The following SPINK5 variants were observed in gnomAD, a reference collection of about 807,000 sequenced individuals.
SPINK5 encodes serine protease inhibitor Kazal-type 5.
In SPINK5, 125 loss-of-function variants were observed where a neutral mutation model predicts 151.8. The observed-to-expected ratio is 0.82, with a 90% CI of 0.71 to 0.96. The LOEUF is 0.96. SPINK5 is among the 40% of genes least tolerant of loss of function. The pLI, the probability that SPINK5 is intolerant of heterozygous loss-of-function variation, is 0.00. For synonymous variants in SPINK5, 374 were observed against 395.3 expected (o/e 0.95, Z 0.64); for missense variants, 1,194 against 1,291.9 (o/e 0.92, Z 1.16).
chr5:148,107,562 G>A (rs1446214704), intron 17 of SPINK5, among the ~76,000 whole-genome samples: 1 of 152,118 alleles, frequency 6.6e-6, no homozygotes, highest in African/African-American at 2.4e-5. Context: ...GAGGTCTGTG[G>A]GGTCAGTACA....
intron 12 of SPINK5, 52 bp downstream of exon 12, chr5:148,099,367 T>C: frequency 1.3e-6 from 2 of 1,528,366 alleles, no homozygotes; most frequent in Non-Finnish European, 1.8e-6. Context: ...TTTGAACAAA[T>C]TTTAAGAGCC....
rs570551942 is a variant in SPINK5 at position 148,111,673 on chromosome 5, T to C, written c.1693-95T>C. ...CTTCAGCATCACCTTTTCCATGCAA[T>C]CATTATGTTTTAGTTTTTAAAGCAG... is the stretch of plus-strand genomic sequence containing the variant. On this transcript the variant is annotated intron_variant, in intron 18 of 32. Coordinates refer to ENST00000256084, the MANE Select transcript of SPINK5 (RefSeq NM_006846.4). 1.9e-6 allele frequency: 3 copies of C among 1,580,340 alleles called. No individual in the cohort carries two copies. In the South Asian group the frequency reaches 3.4e-5, roughly 18 times the overall value.
intron 2 of SPINK5, among the ~76,000 whole-genome samples, chr5:148,066,123 G>C (rs1023999154): frequency 1.3e-5 from 2 of 152,276 alleles, no homozygotes; most frequent in South Asian, 4.1e-4. Flanking sequence ...AATGAACCAC[G>C]AAGGTATTTG....
At chr5:148,105,330 ATC>A (rs201821038) in intron 16 of SPINK5, among the ~76,000 whole-genome samples, 3,458 of 152,276 alleles carry the variant, frequency 0.023, 66 homozygotes, top group Non-Finnish European at 0.035. Flanking sequence ...CATTATTCAT[ATC>A]TCTGTTATTT....
chr5:148,070,174 T>G lies in SPINK5; in HGVS notation c.82-149T>G. ...TATCTACTATGTATCAGGCATTCTT[T>G]GAGGGCTTTACATACTTAATCTTCA... is the stretch of plus-strand genomic sequence containing the variant. On this transcript the variant is annotated intron_variant, in intron 2 of 32. Coordinates refer to ENST00000256084, the MANE Select transcript of SPINK5 (RefSeq NM_006846.4). 3.8e-6 allele frequency: 3 copies of G among 797,162 alleles called. 1 individual carries two copies. In the South Asian group the frequency reaches 5.3e-5, roughly 14 times the overall value. 49.4% of individuals were successfully genotyped at this position (797,162 alleles called of 1,614,324 possible).
At chr5:148,112,547 C>T (rs1753965708) in intron 19 of SPINK5, among the ~76,000 whole-genome samples, 2 of 151,980 alleles carry the variant, frequency 1.3e-5, no homozygotes, top group South Asian at 2.1e-4. Context: ...GTGGTGCACG[C>T]ATGTAGTCCC....
chr5:148,099,422 A>T (rs540580820), intron 12 of SPINK5, 107 bp downstream of exon 12: 2 of 858,654 alleles, frequency 2.3e-6, no homozygotes, highest in Admixed American at 4.2e-5. Flanking sequence ...GAATATCTTA[A>T]CTCTTCAATC....
intron 16 of SPINK5, 115 bp from the exon 17 acceptor site, chr5:148,106,922 A>G (rs564016397): frequency 1.5e-6 from 2 of 1,344,222 alleles, no homozygotes; most frequent in Admixed American, 1.8e-5. Flanking sequence ...ATTTACTACT[A>G]TGTGTTATCA....
Position 148,131,420 on chromosome 5 carries a change from C to A in SPINK5, c.3095+31C>A. 3 of 1,613,202 alleles carry A rather than the reference C, an allele frequency of 1.9e-6. No individual in the cohort carries two copies. The Admixed American group carries it at 5.0e-5, about 27-fold the overall frequency. On this transcript the variant is annotated intron_variant, in intron 31 of 32. Transcript: ENST00000256084. ...TATTCAAGTTGCCCCATCATATCTT[C>A]CAGTTTAGAATTTCTCAGCTAGAGT...
At chr5:148,065,918 G>A (rs930517828) in intron 2 of SPINK5, among the ~76,000 whole-genome samples, 4 of 152,026 alleles carry the variant, frequency 2.6e-5, no homozygotes, top group African/African-American at 9.7e-5. Flanking sequence ...TTTTAGTGTA[G>A]GAAAACAGAC....
At position 148,084,968 on chromosome 5, in the gene SPINK5, A is replaced by AT. The variant is rs1296210942; in HGVS notation, c.283-1430dup. The stretch of plus-strand genomic sequence containing the variant: ...GTAAGCTCCTTAGAATATGTATTCC[A>AT]TTTTTTTCTCTCTCTCTCTTTTTTA... On this transcript the variant is annotated intron_variant, in intron 4 of 32. Coordinates refer to ENST00000256084, the MANE Select transcript of SPINK5 (RefSeq NM_006846.4). Among the ~76,000 whole-genome samples the AT allele has an allele frequency of 1.3e-4, 19 of 151,086 alleles. No homozygotes were observed. In the East Asian group the frequency reaches 2.6e-3, roughly 20 times the overall value.
intron 32 of SPINK5, 169 bp downstream of exon 32, chr5:148,134,056 C>G: frequency 2.8e-6 from 2 of 706,888 alleles, no homozygotes; most frequent in Non-Finnish European, 2.6e-6. Context: ...TAAGTAATTA[C>G]TGAAATAAGT....
chr5:148,071,030 A>G (rs1752725352), intron 3 of SPINK5, among the ~76,000 whole-genome samples: 1 of 152,104 alleles, frequency 6.6e-6, no homozygotes. Context: ...CTGGAAGTTT[A>G]CCAATCTCTA....
At chr5:148,121,982 A>T (rs2113202189) in intron 26 of SPINK5, among the ~76,000 whole-genome samples, 1 of 143,522 alleles carries the variant, frequency 7.0e-6, no homozygotes, top group Admixed American at 6.7e-5. Context: ...AAAAAATAAA[A>T]ATATTGAGAT....
At chr5:148,114,341 C>A in intron 20 of SPINK5, 21 bp from the exon 21 acceptor site, 1 of 1,596,690 alleles carries the variant, frequency 6.3e-7, no homozygotes, top group South Asian at 1.1e-5. Context: ...CTCAAGCTTT[C>A]TCCTTTTCTT....
At chr5:148,123,455 A>ATAGATATATATT (rs1561703749) in intron 26 of SPINK5, among the ~76,000 whole-genome samples, 34 of 140,720 alleles carry the variant, frequency 2.4e-4, no homozygotes, top group South Asian at 4.3e-4. Context: ...CTATATATAT[A>ATAGATATATATT]ATCTTGTTAT....
intron 4 of SPINK5, among the ~76,000 whole-genome samples, chr5:148,081,741 T>C (rs897874511): frequency 2.0e-5 from 3 of 151,720 alleles, no homozygotes; most frequent in Non-Finnish European, 4.4e-5. Context: ...TCACTTTCAA[T>C]GGGTGAATTT....
chr5:148,107,810 C>T (rs1187298811), intron 17 of SPINK5, among the ~76,000 whole-genome samples: 1 of 152,078 alleles, frequency 6.6e-6, no homozygotes, highest in Non-Finnish European at 1.5e-5. Context: ...GACTACAGCT[C>T]CATCGTGTGG....
chr5:148,090,885 T>C (rs951619192), intron 7 of SPINK5: 1 of 407,816 alleles, frequency 2.5e-6, no homozygotes. Flanking sequence ...AGCTTCTAAT[T>C]GACTGTCAGT....
Sources: gnomAD v4.1 joint callset for allele counts (sites outside exome capture counted in the v4.1 genomes callset) on GRCh38, gnomAD v4.1.1 for gene constraint, MANE v1.5 for transcripts, NCBI Gene and HGNC (gene_info 2026-07-23, HGNC 2026-07-21) for gene names.